RNGTT: variants seen among roughly 807,000 people sequenced by gnomAD.
RNGTT encodes mRNA-capping enzyme.
Under a neutral mutation model 79.3 loss-of-function variants are expected in RNGTT, and 33 were observed. That is an observed-to-expected ratio of 0.42 (90% CI 0.32 to 0.56). The LOEUF is 0.56. RNGTT is among the 20% of genes least tolerant of loss of function. The pLI is 0.17. For synonymous variants in RNGTT, 222 were observed against 235.9 expected (o/e 0.94, Z 0.54); for missense variants, 497 against 739.1 (o/e 0.67, Z 3.80).
intron 8 of RNGTT, 95 bp from the exon 9 acceptor site, chr6:88,853,859 A>T (rs1781755590): frequency 7.6e-6 from 5 of 657,288 alleles, no homozygotes; most frequent in Non-Finnish European, 1.3e-5. Context: ...GACCTTAAAC[A>T]TCTGTAGACT....
chr6:88,713,050 A>AT (rs1562211086), intron 13 of RNGTT, among the ~76,000 whole-genome samples: 1 of 152,138 alleles, frequency 6.6e-6, no homozygotes, highest in East Asian at 1.9e-4. Flanking sequence ...AAAAGAAACT[A>AT]TATCTATATG....
chr6:88,726,930 G>C (rs377583630), intron 13 of RNGTT, among the ~76,000 whole-genome samples: 2 of 151,712 alleles, frequency 1.3e-5, no homozygotes, highest in African/African-American at 4.8e-5. Context: ...GGCCTTAGAC[G>C]GTCTAGTCCA....
rs1436025823 is a variant in RNGTT at position 88,929,482 on chromosome 6, C to T, written c.175-215G>A. 4.6e-5 allele frequency among the ~76,000 whole-genome samples: 7 copies of T among 152,156 alleles called. No homozygotes were observed. In the East Asian group the frequency reaches 1.2e-3, roughly 25 times the overall value. Reference sequence around the variant, plus strand: ...AGGCACTTGATAAAATAAATTAACTCCCAAACTAAGGAAAGAACAGGAATA... The same window carrying T: ...AGGCACTTGATAAAATAAATTAACTTCCAAACTAAGGAAAGAACAGGAATA... On this transcript the variant is annotated intron_variant, in intron 2 of 15. Coordinates refer to ENST00000369485, the MANE Select transcript of RNGTT (RefSeq NM_003800.5).
In RNGTT at chr6:88,880,896, A is replaced by G. The variant is rs117386123; in HGVS notation, c.896+9599T>C. Among the ~76,000 whole-genome samples, 524 of 152,312 alleles carry G rather than the reference A, an allele frequency of 3.4e-3. 2 individuals carry two copies. Among genetic ancestry groups the G allele is most frequent in the Non-Finnish European group, 4.0e-3 (273 of 67,990 alleles). ...ATCTGCTAATAAACTAAGTACACAG[A>G]TAAATCCTATTATAAAATTCTATCT... On this transcript the variant is annotated intron_variant, in intron 8 of 15. Coordinates refer to ENST00000369485, the MANE Select transcript of RNGTT (RefSeq NM_003800.5).
intron 2 of RNGTT, among the ~76,000 whole-genome samples, chr6:88,935,965 G>C (rs1784652583): frequency 6.6e-6 from 1 of 152,156 alleles, no homozygotes; most frequent in Non-Finnish European, 1.5e-5. Flanking sequence ...TTTTGCCCAG[G>C]TTGAAGTGCA....
intron 11 of RNGTT, among the ~76,000 whole-genome samples, chr6:88,815,513 C>A (rs1261710402): frequency 6.6e-6 from 1 of 152,146 alleles, no homozygotes; most frequent in African/African-American, 2.4e-5. Flanking sequence ...CCTAGGGACC[C>A]CCAAACTTGA....
intron 4 of RNGTT, among the ~76,000 whole-genome samples, chr6:88,918,505 T>G (rs1377210986): frequency 3.3e-5 from 5 of 152,044 alleles, no homozygotes; most frequent in Non-Finnish European, 4.4e-5. Flanking sequence ...TTAACAAGTT[T>G]AGGTATGTTT....
intron 14 of RNGTT, among the ~76,000 whole-genome samples, chr6:88,670,103 G>A (rs567697288): frequency 6.6e-5 from 10 of 152,338 alleles, no homozygotes; most frequent in South Asian, 6.2e-4. Context: ...AGAGGGGTCT[G>A]TGGAAAATTC....
chr6:88,761,300 G>A (rs1778239883), intron 13 of RNGTT, among the ~76,000 whole-genome samples: 1 of 151,918 alleles, frequency 6.6e-6, no homozygotes, highest in Non-Finnish European at 1.5e-5. Flanking sequence ...GACCAGCCTG[G>A]CCAACACTGT....
intron 1 of RNGTT, among the ~76,000 whole-genome samples, chr6:88,941,958 C>A (rs989031185): frequency 1.3e-5 from 2 of 152,092 alleles, no homozygotes; most frequent in Non-Finnish European, 2.9e-5. Context: ...GTAGCTGGGA[C>A]TGCAGGTGCA....
intron 13 of RNGTT, among the ~76,000 whole-genome samples, chr6:88,767,345 A>G (rs1778495173): frequency 6.6e-6 from 1 of 152,126 alleles, no homozygotes; most frequent in South Asian, 2.1e-4. Context: ...AATAAAGGCA[A>G]AACTAGGATG....
At chr6:88,754,106 G>A (rs1387890208) in intron 13 of RNGTT, among the ~76,000 whole-genome samples, 1 of 152,072 alleles carries the variant, frequency 6.6e-6, no homozygotes, top group African/African-American at 2.4e-5. Flanking sequence ...AACTATTAAG[G>A]ATCCTAGGAA....
chr6:88,825,864 C>A (rs1474350256), intron 11 of RNGTT, among the ~76,000 whole-genome samples: 1 of 152,208 alleles, frequency 6.6e-6, no homozygotes, highest in Non-Finnish European at 1.5e-5. Flanking sequence ...CTATCCTTCT[C>A]CTCACTCTGC....
At chr6:88,899,907 C>A (rs575997415) in intron 6 of RNGTT, among the ~76,000 whole-genome samples, 1 of 152,110 alleles carries the variant, frequency 6.6e-6, no homozygotes. Context: ...CAATGAAGAT[C>A]CTCACAGGCT....
intron 14 of RNGTT, among the ~76,000 whole-genome samples, chr6:88,659,326 A>G (rs1774096166): frequency 6.6e-6 from 1 of 152,230 alleles, no homozygotes; most frequent in African/African-American, 2.4e-5. Flanking sequence ...AAGAATTTAG[A>G]AGGTTGATTA....
chr6:88,715,253 T>C (rs1054187400), intron 13 of RNGTT, among the ~76,000 whole-genome samples: 1 of 152,122 alleles, frequency 6.6e-6, no homozygotes, highest in African/African-American at 2.4e-5. Context: ...GAATCCAACT[T>C]ACAAGGGATG....
chr6:88,641,791 A>G (rs1773330402), intron 14 of RNGTT, among the ~76,000 whole-genome samples: 2 of 152,208 alleles, frequency 1.3e-5, no homozygotes, highest in Non-Finnish European at 2.9e-5. Context: ...TGTAAATGAA[A>G]CAACACTCTT....
chr6:88,630,275 G>A (rs1023301639), intron 14 of RNGTT, among the ~76,000 whole-genome samples: 10 of 152,152 alleles, frequency 6.6e-5, no homozygotes, highest in Non-Finnish European at 1.2e-4. Context: ...ACAGTGGATC[G>A]CCTCCTGGTA....
At chr6:88,929,975 C>CAT (rs1784445634) in intron 2 of RNGTT, among the ~76,000 whole-genome samples, 1 of 138,896 alleles carries the variant, frequency 7.2e-6, no homozygotes, top group East Asian at 2.0e-4. Flanking sequence ...TGTATACATG[C>CAT]ATATGTGCAT....
Sources: allele counts gnomAD v4.1 joint callset (sites outside exome capture counted in the v4.1 genomes callset), GRCh38; gene constraint gnomAD v4.1.1; transcripts MANE v1.5; gene names NCBI Gene and HGNC (gene_info 2026-07-23, HGNC 2026-07-21).